The following AK5 variants were observed in gnomAD, a reference collection of about 807,000 sequenced individuals.
The protein encoded by AK5 is adenylate kinase isoenzyme 5.
A neutral mutation model predicts 69.5 loss-of-function variants in AK5; 27 were observed. That is an observed-to-expected ratio of 0.39 (90% CI 0.29 to 0.54). The LOEUF (loss-of-function observed/expected upper bound fraction) is 0.54, where lower values mean the gene tolerates loss of function less well. Among genes scored for constraint, AK5 ranks in the 20% least tolerant of loss-of-function variants. AK5 has a pLI of 0.71. For synonymous variants in AK5, 260 were observed against 244.4 expected (o/e 1.06, Z -0.60); for missense variants, 531 against 700.4 (o/e 0.76, Z 2.73).
chr1:77,500,041 A>C (rs1360715233), intron 10 of AK5, among the ~76,000 whole-genome samples: 1 of 152,172 alleles, frequency 6.6e-6, no homozygotes, highest in East Asian at 1.9e-4. Flanking sequence ...AGGTGTGACT[A>C]ATACAGACCC....
At chr1:77,368,245 A>AATATATATATATGTTATATATAT (rs1553140323) in intron 6 of AK5, among the ~76,000 whole-genome samples, 2 of 67,906 alleles carry the variant, frequency 2.9e-5, no homozygotes, top group East Asian at 7.8e-4. Context: ...ATATATATAT[A>AATATATATATATGTTATATATAT]TATATATAAT....
intron 8 of AK5, among the ~76,000 whole-genome samples, chr1:77,432,314 G>C (rs886378927): frequency 2.0e-5 from 3 of 152,118 alleles, no homozygotes; most frequent in African/African-American, 7.2e-5. Context: ...TGTGTCAAAA[G>C]CGTTCTAGCC....
intron 8 of AK5, among the ~76,000 whole-genome samples, chr1:77,472,789 C>CTG (rs1553154496): frequency 8.6e-5 from 13 of 151,482 alleles, no homozygotes; most frequent in South Asian, 2.1e-4. Context: ...ACTGATGAGG[C>CTG]AATTCTTCTG....
chr1:77,497,603 TG>T (rs1411164146), intron 10 of AK5, among the ~76,000 whole-genome samples: 2 of 152,188 alleles, frequency 1.3e-5, no homozygotes, highest in African/African-American at 4.8e-5. Context: ...TAAACTTTTT[TG>T]TTTGTTGTTG....
intron 12 of AK5, among the ~76,000 whole-genome samples, chr1:77,526,949 T>G (rs1570312881): frequency 6.6e-6 from 1 of 152,052 alleles, no homozygotes; most frequent in Non-Finnish European, 1.5e-5. Flanking sequence ...TAAAATTGAG[T>G]CTGAAGGCAA....
At chr1:77,416,326 A>G (rs1053680329) in intron 7 of AK5, among the ~76,000 whole-genome samples, 1 of 152,156 alleles carries the variant, frequency 6.6e-6, no homozygotes, top group African/African-American at 2.4e-5. Flanking sequence ...CATCTTATGA[A>G]CAGTGGTCTG....
At chr1:77,438,294 C>CAAAAAAA (rs56019139) in intron 8 of AK5, among the ~76,000 whole-genome samples, 1 of 52,780 alleles carries the variant, frequency 1.9e-5, no homozygotes, top group African/African-American at 5.8e-5. Context: ...ATATTTGGTA[C>CAAAAAAA]AAAAAAAAAA....
At chr1:77,465,997 C>G (rs1003968639) in intron 8 of AK5, among the ~76,000 whole-genome samples, 1 of 152,134 alleles carries the variant, frequency 6.6e-6, no homozygotes, top group African/African-American at 2.4e-5. Flanking sequence ...CAAAACTGAT[C>G]ATGCCACTTC....
intron 5 of AK5, among the ~76,000 whole-genome samples, chr1:77,330,708 A>T (rs1335037075): frequency 6.6e-6 from 1 of 152,202 alleles, no homozygotes; most frequent in Non-Finnish European, 1.5e-5. Flanking sequence ...TGCATTTCCA[A>T]ATAAATTTGA....
At chr1:77,514,421 A>G (rs1191998111) in intron 10 of AK5, among the ~76,000 whole-genome samples, 4 of 152,162 alleles carry the variant, frequency 2.6e-5, no homozygotes, top group African/African-American at 7.2e-5. Context: ...TCAAGGCCCC[A>G]TTGTTTTTTT....
chr1:77,400,571 G>T (rs1030621943), intron 6 of AK5, among the ~76,000 whole-genome samples: 1 of 152,126 alleles, frequency 6.6e-6, no homozygotes, highest in African/African-American at 2.4e-5. Flanking sequence ...AGCTAATGTC[G>T]TAGGAATAAT....
intron 6 of AK5, among the ~76,000 whole-genome samples, chr1:77,391,495 GTATATATATATA>G (rs753916010): frequency 1.3e-4 from 8 of 63,414 alleles, no homozygotes; most frequent in East Asian, 6.6e-4. Flanking sequence ...GTGTGTGTGT[GTATATATATATA>G]TATATATATA....
chr1:77,346,769 A>G (rs1661939221), intron 6 of AK5, among the ~76,000 whole-genome samples: 1 of 152,164 alleles, frequency 6.6e-6, no homozygotes, highest in Non-Finnish European at 1.5e-5. Context: ...AAGTGCTGGG[A>G]CTACAGGATG....
At chr1:77,494,901 C>G (rs1176335833) in intron 10 of AK5, among the ~76,000 whole-genome samples, 1 of 151,928 alleles carries the variant, frequency 6.6e-6, no homozygotes, top group African/African-American at 2.4e-5. Context: ...CCTGCCTCAG[C>G]CTCCCGGGTA....
chr1:77,309,177 C>T (rs1659807199), intron 5 of AK5, among the ~76,000 whole-genome samples: 1 of 151,860 alleles, frequency 6.6e-6, no homozygotes, highest in South Asian at 2.1e-4. Context: ...AGTACTGTGG[C>T]ACACTTTTAC....
At chr1:77,556,450 T>C (rs1660108383) in intron 13 of AK5, among the ~76,000 whole-genome samples, 1 of 152,220 alleles carries the variant, frequency 6.6e-6, no homozygotes, top group South Asian at 2.1e-4. Context: ...AATTAATCCA[T>C]GTTGTTGAAG....
At chr1:77,404,076 C>T (rs558667169) in intron 6 of AK5, among the ~76,000 whole-genome samples, 1 of 152,256 alleles carries the variant, frequency 6.6e-6, no homozygotes, top group East Asian at 1.9e-4. Flanking sequence ...AATGGGAGTT[C>T]ACTCATGATT....
intron 8 of AK5, among the ~76,000 whole-genome samples, chr1:77,461,135 A>G (rs1570176006): frequency 6.8e-6 from 1 of 146,870 alleles, no homozygotes; most frequent in Admixed American, 6.8e-5. Context: ...CTGGGTTCAC[A>G]CCATTCTCCT....
chr1:77,338,575 CA>C (rs1298535077), intron 5 of AK5, among the ~76,000 whole-genome samples: 1 of 151,416 alleles, frequency 6.6e-6, no homozygotes, highest in Admixed American at 6.6e-5. Context: ...ACTTTATCAG[CA>C]AAAGGTAGTG....
Sources: allele counts gnomAD v4.1 joint callset (sites outside exome capture counted in the v4.1 genomes callset), GRCh38; gene constraint gnomAD v4.1.1; transcripts MANE v1.5; gene names NCBI Gene and HGNC (gene_info 2026-07-23, HGNC 2026-07-21).